Variants in SLC24A2 observed in about 807,000 individuals in gnomAD.
SLC24A2 encodes sodium/potassium/calcium exchanger 2.
Under a neutral mutation model 62.0 loss-of-function variants are expected in SLC24A2, and 36 were observed. That is an observed-to-expected ratio of 0.58 (90% confidence interval 0.44 to 0.77). The LOEUF (loss-of-function observed/expected upper bound fraction) is 0.77, where lower values mean the gene tolerates loss of function less well. Among genes scored for constraint, SLC24A2 ranks in the 30% least tolerant of loss-of-function variants. The pLI, the probability that SLC24A2 is intolerant of heterozygous loss-of-function variation, is 0.00. For missense variants in SLC24A2, 846 were observed against 817.9 expected (o/e 1.03, Z -0.42); for synonymous variants, 358 against 294.0 (o/e 1.22, Z -2.23).
At chr9:19,592,097 C>T (rs1836569575) in intron 5 of SLC24A2, among the ~76,000 whole-genome samples, 1 of 152,194 alleles carries the variant, frequency 6.6e-6, no homozygotes, top group African/African-American at 2.4e-5. Flanking sequence ...ATTGGCTAGA[C>T]AATGTGACCT....
At chr9:19,653,073 GGCTCACCTCGGGCTGCCTCACT>G (rs1212206968) in intron 2 of SLC24A2, among the ~76,000 whole-genome samples, 1 of 152,124 alleles carries the variant, frequency 6.6e-6, no homozygotes, top group African/African-American at 2.4e-5. Flanking sequence ...TCATAAACTT[GGCTCACCTCGGGCTGCCTCACT>G]GCTCACCCCC....
the SLC24A2 span, chr9:19,958,164 C>G: frequency 2.0e-5 from 3 of 152,184 alleles, no homozygotes; most frequent in Non-Finnish European, 4.4e-5. Flanking sequence ...TCCTCATAGC[C>G]TGGCAGTTAC....
At position 19,514,847 on chromosome 9, in the gene SLC24A2, C is replaced by T. The variant is rs1182326983; in HGVS notation, c.*1306G>A. ...TGGGGTGCACTGAGTGTGCAAATGCCTTTCCAAGCATCGCTAAGTTGCCTC... is the reference window on the plus strand; with the variant it reads ...TGGGGTGCACTGAGTGTGCAAATGCTTTTCCAAGCATCGCTAAGTTGCCTC... On this transcript the variant is annotated 3_prime_UTR_variant, in exon 11 of 11. Transcript: ENST00000341998. The T allele has an allele frequency of 3.9e-5, 6 of 152,218 alleles. No homozygotes were observed. Among genetic ancestry groups the T allele is most frequent in the Non-Finnish European group, 7.3e-5 (5 of 68,058 alleles). 9.4% of individuals were successfully genotyped at this position (152,218 alleles called of 1,614,324 possible). A position where few individuals can be genotyped will look rare whatever the true frequency, so the allele number is the denominator to read the frequency against.
chr9:19,614,791 GT>G (rs1288445488), intron 4 of SLC24A2, among the ~76,000 whole-genome samples: 4 of 152,042 alleles, frequency 2.6e-5, no homozygotes, highest in Non-Finnish European at 4.4e-5. Flanking sequence ...AGGGGACCCA[GT>G]TGAGCCCAGC....
intron 8 of SLC24A2, among the ~76,000 whole-genome samples, chr9:19,540,489 T>A (rs1185874057): frequency 1.3e-5 from 2 of 151,462 alleles, no homozygotes; most frequent in Non-Finnish European, 2.9e-5. Flanking sequence ...GGATATGAAA[T>A]TCTGGGTTGA....
chr9:19,966,980 G>C, the SLC24A2 span, among the ~76,000 whole-genome samples: 1 of 152,072 alleles, frequency 6.6e-6, no homozygotes, highest in African/African-American at 2.4e-5. Context: ...TTCTAAGGTA[G>C]GTGTTTGATC....
chr9:20,153,122 A>G, the SLC24A2 span, among the ~76,000 whole-genome samples: 1 of 151,990 alleles, frequency 6.6e-6, no homozygotes, highest in African/African-American at 2.4e-5. Context: ...CCAAGTCCCT[A>G]TATTCCAAAA....
intron 2 of SLC24A2, among the ~76,000 whole-genome samples, chr9:19,724,485 A>G (rs1440659864): frequency 2.0e-5 from 3 of 152,220 alleles, no homozygotes; most frequent in African/African-American, 7.2e-5. Flanking sequence ...GGAAATGTCT[A>G]AACAACTTGA....
the SLC24A2 span, among the ~76,000 whole-genome samples, chr9:19,837,957 T>C: frequency 5.9e-4 from 89 of 151,762 alleles, no homozygotes; most frequent in African/African-American, 1.9e-3. Flanking sequence ...TGCTCATGGG[T>C]AGGAAGAATC....
At chr9:19,575,236 T>C (rs1259576630) in intron 6 of SLC24A2, among the ~76,000 whole-genome samples, 4 of 152,240 alleles carry the variant, frequency 2.6e-5, no homozygotes, top group Non-Finnish European at 5.9e-5. Flanking sequence ...CATGTGGCTA[T>C]GCCAGTTTAT....
In SLC24A2 at chr9:19,744,150, T is replaced by C. The variant is rs191203852; in HGVS notation, c.930+41787A>G. 8.9e-4 allele frequency among the ~76,000 whole-genome samples: 135 copies of C among 152,270 alleles called. 1 individual carries two copies. The highest frequency in any genetic ancestry group is 3.1e-3 in the African/African-American group (130 of 41,564). The stretch of plus-strand genomic sequence containing the variant: ...ACTTTCTCTTATTTTCCCTAGGACC[T>C]ATGCCCTCCTCTCTTAGGTTCAGAA... On this transcript the variant is annotated intron_variant, in intron 2 of 10. Transcript: ENST00000341998.
intron 3 of SLC24A2, among the ~76,000 whole-genome samples, chr9:19,620,142 G>A (rs1286016972): frequency 6.6e-6 from 1 of 152,150 alleles, no homozygotes; most frequent in African/African-American, 2.4e-5. Context: ...CCAGTGGGTG[G>A]TCTCTAACAT....
chr9:20,098,466 T>C, the SLC24A2 span, among the ~76,000 whole-genome samples: 2 of 152,210 alleles, frequency 1.3e-5, no homozygotes, highest in Non-Finnish European at 2.9e-5. Context: ...ATCTTTCCAT[T>C]TGATCTCCTT....
chr9:19,742,593 C>A (rs952863676), intron 2 of SLC24A2, among the ~76,000 whole-genome samples: 3 of 152,062 alleles, frequency 2.0e-5, no homozygotes, highest in African/African-American at 2.4e-5. Flanking sequence ...AAGGTTGGAA[C>A]CTTTCCTTAG....
At chr9:19,863,841 T>G in the SLC24A2 span, among the ~76,000 whole-genome samples, 2 of 149,806 alleles carry the variant, frequency 1.3e-5, no homozygotes, top group South Asian at 4.2e-4. Flanking sequence ...ATAATAAAGC[T>G]CAGAGCAGAA....
chr9:19,935,156 T>G, the SLC24A2 span, among the ~76,000 whole-genome samples: 47 of 151,990 alleles, frequency 3.1e-4, no homozygotes, highest in Admixed American at 2.2e-3. Context: ...TTGCATCACT[T>G]GGGTTGCTTG....
At chr9:20,274,023 C>T in the SLC24A2 span, among the ~76,000 whole-genome samples, 2 of 152,144 alleles carry the variant, frequency 1.3e-5, no homozygotes, top group African/African-American at 4.8e-5. Flanking sequence ...CTCCCCTCAT[C>T]CCCAATACCT....
chr9:20,236,803 T>C, the SLC24A2 span, among the ~76,000 whole-genome samples: 1 of 152,178 alleles, frequency 6.6e-6, no homozygotes, highest in Non-Finnish European at 1.5e-5. Flanking sequence ...CATAGTGGAC[T>C]ACAGCAGCAA....
At chr9:20,051,657 C>CTTTTTTTTTTTTTTTTTTTTTTTTTTT in the SLC24A2 span, among the ~76,000 whole-genome samples, 8 of 73,514 alleles carry the variant, frequency 1.1e-4, no homozygotes, top group Admixed American at 2.0e-4. Context: ...TTTTCTTTCT[C>CTTTTTTTTTTTTTTTTTTTTTTTTTTT]TTTTTTTTTT....
Sources: allele counts gnomAD v4.1 joint callset (sites outside exome capture counted in the v4.1 genomes callset), GRCh38; gene constraint gnomAD v4.1.1; transcripts MANE v1.5; gene names NCBI Gene and HGNC (gene_info 2026-07-23, HGNC 2026-07-21).